Variants in DDX17 observed in about 807,000 individuals in gnomAD.
DDX17 encodes the protein probable ATP-dependent RNA helicase DDX17.
Under a neutral mutation model 80.8 loss-of-function variants are expected in DDX17, and 10 were observed. The observed-to-expected ratio is 0.12, with a 90% CI of 0.08 to 0.21. The LOEUF (loss-of-function observed/expected upper bound fraction) is 0.21. Among genes scored for constraint, DDX17 ranks in the 10% least tolerant of loss-of-function variants. DDX17 has a pLI of 1.00. For synonymous variants in DDX17, 339 were observed against 336.2 expected (o/e 1.01, Z -0.09); for missense variants, 586 against 957.4 (o/e 0.61, Z 5.12).
chr22:38,497,620 A>AG (rs1006365848), intron 5 of DDX17, among the ~76,000 whole-genome samples: 1 of 18,448 alleles, frequency 5.4e-5, no homozygotes, highest in Admixed American at 7.1e-4. Flanking sequence ...ATATATCTCC[A>AG]AAAAAAAAAA....
intron 5 of DDX17, among the ~76,000 whole-genome samples, chr22:38,497,335 T>C (rs1173713507): frequency 9.0e-6 from 1 of 111,134 alleles, no homozygotes; most frequent in Non-Finnish European, 1.8e-5. Context: ...ACACATTCAA[T>C]GCCAGGCGCG....
At chr22:38,503,962 G>A (rs771638762) in intron 1 of DDX17, among the ~76,000 whole-genome samples, 3 of 152,178 alleles carry the variant, frequency 2.0e-5, no homozygotes, top group Non-Finnish European at 2.9e-5. Context: ...TTTAAAAAAT[G>A]TCATCTGATA....
In DDX17 at chr22:38,494,623, T is replaced by C. The variant is rs765076582; in HGVS notation, c.1214+7A>G. 1.9e-6 allele frequency: 3 copies of C among 1,613,316 alleles called. No individual in the cohort carries two copies. The highest frequency in any genetic ancestry group is 2.5e-6 in the Non-Finnish European group (3 of 1,179,534). On this transcript the variant is annotated splice_region_variant and intron_variant, in intron 8 of 12. Coordinates refer to ENST00000403230, the MANE Select transcript of DDX17 (RefSeq NM_006386.5). ...ATTATCAAATCAGAGTAAAATATCTTTCATACTTGTGGTCTTTTTCACTTT... is the reference window on the plus strand; with the variant it reads ...ATTATCAAATCAGAGTAAAATATCTCTCATACTTGTGGTCTTTTTCACTTT...
At chr22:38,492,846 T>C (rs973610060) in intron 10 of DDX17, among the ~76,000 whole-genome samples, 4 of 152,102 alleles carry the variant, frequency 2.6e-5, no homozygotes, top group Non-Finnish European at 4.4e-5. Context: ...CCCTTAAGAG[T>C]AGTCCTGAAA....
At chr22:38,502,717 A>G (rs2145711363) in intron 1 of DDX17, among the ~76,000 whole-genome samples, 1 of 152,334 alleles carries the variant, frequency 6.6e-6, no homozygotes, top group South Asian at 2.1e-4. Flanking sequence ...AGATGGCCTT[A>G]ATTTTCCCTA....
Position 38,498,156 on chromosome 22 carries a change from G to A in DDX17, c.673-6C>T. ...ACAATTGCAGGCAGGAGATACTGTG[G>A]AGGGGGGAAAGAATGACAACCTTAC... On this transcript the variant is annotated splice_region_variant and splice_polypyrimidine_tract_variant and intron_variant, in intron 4 of 12. Transcript: ENST00000403230. 6.2e-7 allele frequency: 1 copy of A among 1,613,922 alleles called. No homozygotes were observed. Among genetic ancestry groups the A allele is most frequent in the Non-Finnish European group, 8.5e-7 (1 of 1,179,900 alleles).
intron 2 of DDX17, among the ~76,000 whole-genome samples, chr22:38,500,778 T>C (rs535282221): frequency 5.6e-4 from 70 of 124,640 alleles, no homozygotes; most frequent in Non-Finnish European, 9.8e-4. Context: ...GATCACACCA[T>C]TGCACTCTAG....
intron 6 of DDX17, 152 bp from the exon 7 acceptor site, chr22:38,495,198 TGCA>T (rs1372114805): frequency 1.2e-5 from 8 of 687,790 alleles, no homozygotes; most frequent in East Asian, 8.5e-5. Context: ...TCTACAAAAA[TGCA>T]GCAGCAGCAG....
Position 38,485,235 on chromosome 22 carries a change from C to T in DDX17, c.*700G>A, listed in dbSNP as rs552045050. 1 of 152,224 alleles carries T rather than the reference C, an allele frequency of 6.6e-6. No homozygotes were observed. Among genetic ancestry groups the T allele is most frequent in the Middle Eastern group, 3.4e-3 (1 of 294 alleles). 9.4% of individuals were successfully genotyped at this position (152,224 alleles called of 1,614,324 possible). A position where few individuals can be genotyped will look rare whatever the true frequency, so the allele number is the denominator to read the frequency against. ...CTTGTGGTTTTTAATTTAAAGGATA[C>T]ACAAAACTCAGCAATTCAATTTCTA... On this transcript the variant is annotated 3_prime_UTR_variant, in exon 13 of 13. Transcript: ENST00000403230.
rs1017102237 is a variant in DDX17, at chr22:38,483,500, G to C, written c.*2435C>G. On this transcript the variant is annotated 3_prime_UTR_variant, in exon 13 of 13. Transcript: ENST00000403230. The stretch of plus-strand genomic sequence containing the variant: ...GAAAACAAGATGATGGTATCAAAAG[G>C]ACAATTTACAAACTAAGAATAGTAA... 3 of 152,578 alleles carry C rather than the reference G, an allele frequency of 2.0e-5. No individual in the cohort carries two copies. Among genetic ancestry groups the C allele is most frequent in the Non-Finnish European group, 4.4e-5 (3 of 68,030 alleles). The allele number at this position is 152,578 out of a possible 1,614,324, so 9.5% of individuals were successfully genotyped here. A position where few individuals can be genotyped will look rare whatever the true frequency, so the allele number is the denominator to read the frequency against.
chr22:38,493,864 G>A, intron 9 of DDX17, 93 bp from the exon 10 acceptor site: 1 of 1,360,200 alleles, frequency 7.4e-7, no homozygotes, highest in South Asian at 1.2e-5. Flanking sequence ...ATTTTTGTAA[G>A]GTTTGTCAGG....
At chr22:38,492,377 A>G (rs2145693476) in intron 10 of DDX17, among the ~76,000 whole-genome samples, 1 of 152,314 alleles carries the variant, frequency 6.6e-6, no homozygotes, top group East Asian at 1.9e-4. Flanking sequence ...CCTTAAAGTT[A>G]TTTCCCAAAT....
intron 10 of DDX17, among the ~76,000 whole-genome samples, chr22:38,492,906 TTTC>T (rs1466442256): frequency 1.3e-5 from 2 of 152,232 alleles, no homozygotes; most frequent in Non-Finnish European, 2.9e-5. Context: ...AAGAAACATT[TTTC>T]TTTAAATATT....
intron 11 of DDX17, 57 bp downstream of exon 11, chr22:38,491,999 G>GA (rs1862191015): frequency 1.6e-6 from 2 of 1,255,092 alleles, no homozygotes; most frequent in South Asian, 1.5e-5. Flanking sequence ...TTGAAATGAC[G>GA]AATCTTTAAA....
At chr22:38,499,533 A>AGTTATTCTAAACATTCAGAATTTATGTTC (rs1443739865) in intron 2 of DDX17, 34 bp from the exon 3 acceptor site, 2 of 1,492,662 alleles carry the variant, frequency 1.3e-6, no homozygotes, top group South Asian at 2.3e-5. Flanking sequence ...TTAGTAAACT[A>AGTTATTCTAAACATTCAGAATTTATGTTC]GTTATTCTAA....
At chr22:38,493,982 T>C (rs1312654522) in intron 9 of DDX17, 39 bp downstream of exon 9, 1 of 1,509,176 alleles carries the variant, frequency 6.6e-7, no homozygotes, top group Non-Finnish European at 9.1e-7. Context: ...TCCAGTTAAC[T>C]ATAAAACCAG....
rs768099817 is a variant in DDX17 at position 38,494,952 on chromosome 22, G to A, written c.975C>T (p.Asp325=). Residue 325 remains aspartate (D), a synonymous_variant, in exon 7 of 13, where the codon GAC becomes GAT. Transcript: ENST00000403230. ...CCATATCAAGCATTCTGTCAGCTTC[G>A]TCCAATACAAGGTAAGTACATCGGC... 24 of 1,614,016 alleles carry A rather than the reference G, an allele frequency of 1.5e-5. No individual in the cohort carries two copies. Among genetic ancestry groups the A allele is most frequent in the East Asian group, 1.1e-4 (5 of 44,902 alleles).
Position 38,501,118 on chromosome 22 carries a change from A to G in DDX17, c.438+12T>C, listed in dbSNP as rs377456848. Reference sequence around the variant, plus strand: ...CAATAATCTGTACATTAAAACACACATGTAAACTTACTGGTGTCAGCCTTG... The same window carrying G: ...CAATAATCTGTACATTAAAACACACGTGTAAACTTACTGGTGTCAGCCTTG... On this transcript the variant is annotated intron_variant, in intron 2 of 12. Coordinates refer to ENST00000403230, the MANE Select transcript of DDX17 (RefSeq NM_006386.5). 4.6e-5 allele frequency: 74 copies of G among 1,613,216 alleles called. No individual in the cohort carries two copies. The highest frequency in any genetic ancestry group is 5.8e-5 in the Non-Finnish European group (69 of 1,179,810).
intron 11 of DDX17, chr22:38,491,365 G>C (rs150604189): frequency 4.6e-5 from 7 of 152,034 alleles, no homozygotes; most frequent in Admixed American, 1.3e-4. Context: ...TTCTGAGTTA[G>C]ACCTGTTTAG....
Sources: gnomAD v4.1 joint callset for allele counts (sites outside exome capture counted in the v4.1 genomes callset) on GRCh38, gnomAD v4.1.1 for gene constraint, MANE v1.5 for transcripts, NCBI Gene and HGNC (gene_info 2026-07-23, HGNC 2026-07-21) for gene names.